Variants in SLC6A16 observed in about 807,000 individuals in gnomAD.
SLC6A16 encodes the protein solute carrier family 6 member 16.
SLC6A16 carries 54 observed loss-of-function variants against 65.4 expected under a neutral mutation model. The observed-to-expected ratio is 0.83, with a 90% CI of 0.66 to 1.04. The LOEUF (loss-of-function observed/expected upper bound fraction) is 1.04. Among genes scored for constraint, SLC6A16 ranks in the 50% least tolerant of loss-of-function variants. The pLI is 0.00. For missense variants in SLC6A16, 816 were observed against 914.0 expected, an observed-to-expected ratio of 0.89 and a Z score of 1.38; for synonymous variants, 330 against 346.5, an observed-to-expected ratio of 0.95 and a Z score of 0.53.
chr19:49,340,173 T>G, the SLC6A16 span: 1 of 1,211,326 alleles, frequency 8.3e-7, no homozygotes, highest in Non-Finnish European at 1.2e-6. Context: ...ACCCCTGACC[T>G]TTCTCGCCCG....
At position 49,293,986 on chromosome 19, in the gene SLC6A16, C is replaced by CT; in HGVS notation, c.1458dup (p.Ala487SerfsTer81). ...ACAGACGGAGGAAGGAAGGACATGG[C>CT]TTCAACAAAGGACAGGAATGCAAAC... On this transcript the variant is annotated frameshift_variant, in exon 9 of 12. Transcript: ENST00000335875. LOFTEE classifies it high-confidence loss of function. 6.2e-7 allele frequency: 1 copy of CT among 1,613,434 alleles called. No individual in the cohort carries two copies. Among genetic ancestry groups the CT allele is most frequent in the Non-Finnish European group, 8.5e-7 (1 of 1,180,008 alleles).
the SLC6A16 span, chr19:49,338,188 C>A: frequency 5.4e-5 from 77 of 1,439,028 alleles, no homozygotes; most frequent in Middle Eastern, 2.5e-4. The surrounding 1 kb of genome is among the most constrained non-coding windows in gnomAD (Gnocchi z 5.0). Context: ...GATGACACAA[C>A]TGTCCCCGGC....
chr19:49,308,831 A>G (rs767353494), intron 7 of SLC6A16, 45 bp downstream of exon 7: 9 of 1,609,700 alleles, frequency 5.6e-6, no homozygotes, highest in Non-Finnish European at 7.6e-6. Flanking sequence ...TCAGGGTTTT[A>G]AAGTTCCCTG....
the SLC6A16 span, chr19:49,338,116 C>T: frequency 4.6e-6 from 7 of 1,535,602 alleles, no homozygotes; most frequent in Non-Finnish European, 6.1e-6. This position sits in a 1 kb window ranked among gnomAD's most constrained non-coding sequence, Gnocchi z 5.0. Context: ...TGGGCCCGAC[C>T]CCCAGCTCTA....
Position 49,290,117 on chromosome 19 carries a change from A to G in SLC6A16, c.*6T>C. 1 of 1,612,820 alleles carries G rather than the reference A, an allele frequency of 6.2e-7. No individual in the cohort carries two copies. Among genetic ancestry groups the G allele is most frequent in the Non-Finnish European group, 8.5e-7 (1 of 1,179,394 alleles). ...GGATATGTTATGTGAAGCCAAATTA[A>G]TGAAGTTAGGAAGTCACATTACAAG... On this transcript the variant is annotated 3_prime_UTR_variant, in exon 12 of 12. Transcript: ENST00000335875.
At chr19:49,335,305 T>C in the SLC6A16 span, 1 of 554,878 alleles carries the variant, frequency 1.8e-6, no homozygotes. This position sits in a 1 kb window ranked among gnomAD's most constrained non-coding sequence, Gnocchi z 4.6. Context: ...TACCAGAGCA[T>C]GTGTCCCAGT....
chr19:49,337,002 CCCTCAAGGAGCTCCGCTGCCTCCTGG>C, the SLC6A16 span: 1 of 1,613,628 alleles, frequency 6.2e-7, no homozygotes, highest in Non-Finnish European at 8.5e-7. Flanking sequence ...TGTGTGGGGG[CCCTCAAGGAGCTCCGCTGCCTCCTGG>C]GCCTGGTGAG....
chr19:49,338,841 A>T, the SLC6A16 span: 2 of 1,613,986 alleles, frequency 1.2e-6, no homozygotes, highest in African/African-American at 2.7e-5. This position sits in a 1 kb window ranked among gnomAD's most constrained non-coding sequence, Gnocchi z 5.0. Context: ...AGATAAGGTG[A>T]TCTTGCCCCA....
chr19:49,325,160 G>A lies in SLC6A16; in HGVS notation c.-177C>T, dbSNP rs1401970395. 2 of 985,494 alleles carry A rather than the reference G, an allele frequency of 2.0e-6. No individual in the cohort carries two copies. The highest frequency in any genetic ancestry group is 2.4e-6 in the Non-Finnish European group (2 of 829,966). 61.0% of individuals were successfully genotyped at this position (985,494 alleles called of 1,614,324 possible). On this transcript the variant is annotated 5_prime_UTR_variant, in exon 1 of 12. Transcript: ENST00000335875. ...ATCTCCTCAGGCCCCTTCAGGCGTC[G>A]ACAGATCGGTTTGGGCGACACCCCT...
chr19:49,317,354 A>G (rs1970629855), intron 1 of SLC6A16, among the ~76,000 whole-genome samples: 1 of 151,870 alleles, frequency 6.6e-6, no homozygotes, highest in Non-Finnish European at 1.5e-5. Context: ...AATAATAACA[A>G]TAATAATAAA....
intron 10 of SLC6A16, among the ~76,000 whole-genome samples, chr19:49,291,061 G>A (rs921258098): frequency 6.6e-6 from 1 of 152,124 alleles, no homozygotes; most frequent in African/African-American, 2.4e-5. Flanking sequence ...TGTCTATGAT[G>A]TGCCAGGAAC....
the SLC6A16 span, chr19:49,337,572 T>C: frequency 2.4e-6 from 3 of 1,229,136 alleles, no homozygotes; most frequent in Non-Finnish European, 3.3e-6. Flanking sequence ...CAGTGAGCCA[T>C]GCACTCAGCC....
At chr19:49,334,756 G>A in the SLC6A16 span, among the ~76,000 whole-genome samples, 1 of 152,088 alleles carries the variant, frequency 6.6e-6, no homozygotes, top group Non-Finnish European at 1.5e-5. Context: ...AGCCAGGCAT[G>A]GTAGTGTGCA....
intron 7 of SLC6A16, among the ~76,000 whole-genome samples, chr19:49,303,514 G>T (rs992674854): frequency 6.6e-6 from 1 of 151,996 alleles, no homozygotes; most frequent in Non-Finnish European, 1.5e-5. Flanking sequence ...AATTGGCTGG[G>T]CATGGTGGCG....
intron 10 of SLC6A16, among the ~76,000 whole-genome samples, chr19:49,291,583 G>A (rs1284768634): frequency 2.6e-5 from 4 of 152,056 alleles, no homozygotes; most frequent in African/African-American, 9.7e-5. Context: ...ACTATCAGAT[G>A]AAAATGCTGA....
At chr19:49,301,297 T>C (rs1251631909) in intron 7 of SLC6A16, among the ~76,000 whole-genome samples, 2 of 152,142 alleles carry the variant, frequency 1.3e-5, no homozygotes, top group Non-Finnish European at 2.9e-5. Context: ...CCAGCTTCCC[T>C]AGTGTTTTGG....
At chr19:49,338,005 G>A in the SLC6A16 span, 4 of 1,613,884 alleles carry the variant, frequency 2.5e-6, no homozygotes, top group African/African-American at 5.3e-5. The surrounding 1 kb of genome is among the most constrained non-coding windows in gnomAD (Gnocchi z 5.0). Flanking sequence ...CGGCCGAGGA[G>A]AGCTGGGACT....
intron 4 of SLC6A16, 78 bp downstream of exon 4, chr19:49,309,960 CCA>C: frequency 1.3e-6 from 2 of 1,534,540 alleles, no homozygotes; most frequent in African/African-American, 2.7e-5. Context: ...TTGTCCCTCC[CCA>C]CTCTCTCCTA....
At chr19:49,338,945 G>C in the SLC6A16 span, 4 of 1,607,004 alleles carry the variant, frequency 2.5e-6, no homozygotes, top group Non-Finnish European at 3.4e-6. The surrounding 1 kb of genome is among the most constrained non-coding windows in gnomAD (Gnocchi z 5.0). Flanking sequence ...AGGTGGGCAG[G>C]GGTTCGGAGC....
Sources: gnomAD v4.1 joint callset for allele counts (sites outside exome capture counted in the v4.1 genomes callset) on GRCh38, gnomAD v4.1.1 for gene constraint, Gnocchi (gnomAD v3.1) non-coding constraint, MANE v1.5 for transcripts, NCBI Gene and HGNC (gene_info 2026-07-23, HGNC 2026-07-21) for gene names.